MAD1L1: variants seen among roughly 807,000 people sequenced by gnomAD.
MAD1L1 encodes the protein mitotic spindle assembly checkpoint protein MAD1.
Under a neutral mutation model 96.9 loss-of-function variants are expected in MAD1L1, and 95 were observed. The ratio of observed to expected loss-of-function variants is 0.98; its 90% CI spans 0.83 to 1.16. The LOEUF (loss-of-function observed/expected upper bound fraction) is 1.16, where lower values mean the gene tolerates loss of function less well. MAD1L1 is among the 50% of genes most tolerant of loss of function. The probability of loss-of-function intolerance (pLI) is 0.00; values close to 1 mark genes in which losing one functional copy is unlikely to be tolerated. For synonymous variants in MAD1L1, 473 were observed against 396.6 expected, an observed-to-expected ratio of 1.19 and a Z score of -2.29; for missense variants, 1,007 against 954.4, an observed-to-expected ratio of 1.06 and a Z score of -0.73.
In MAD1L1 at chr7:2,222,627, G is replaced by A. The variant is rs773110008; in HGVS notation, c.419C>T (p.Ala140Val). ...TTTCTCACGCAGCCTCTTGCTGGCA[G>A]CATCCAAGTTCTGCTGACACTGCCT... The part of the protein sequence containing the change: ...RNRQCQQNLD[A>V]ASKRLREKED... Residue 140 changes from alanine to valine, a missense_variant, in exon 5 of 19, where the codon GCT (alanine) becomes GTT (valine). Physicochemically the swap from Ala to Val is moderately conservative, Grantham distance 64. Transcript: ENST00000265854. 6.2e-7 allele frequency: 1 copy of A among 1,613,032 alleles called. No homozygotes were observed. The highest frequency in any genetic ancestry group is 8.5e-7 in the Non-Finnish European group (1 of 1,179,710).
intron 11 of MAD1L1, among the ~76,000 whole-genome samples, chr7:2,126,057 G>A (rs1473501650): frequency 7.2e-5 from 11 of 152,200 alleles, no homozygotes; most frequent in Non-Finnish European, 1.2e-4. Flanking sequence ...CCGGGGCGCT[G>A]GAGCAGTGGA....
intron 14 of MAD1L1, among the ~76,000 whole-genome samples, chr7:1,984,729 T>C (rs1781066003): frequency 6.6e-6 from 1 of 152,270 alleles, no homozygotes; most frequent in South Asian, 2.1e-4. Context: ...TGTTTGGTTT[T>C]GCTTTGCAAT....
At chr7:2,212,246 C>G (rs1470478573) in intron 10 of MAD1L1, among the ~76,000 whole-genome samples, 1 of 152,176 alleles carries the variant, frequency 6.6e-6, no homozygotes, top group African/African-American at 2.4e-5. Context: ...AATACCATCC[C>G]CAGCACCCAG....
chr7:2,064,171 G>A (rs558794906), intron 12 of MAD1L1, among the ~76,000 whole-genome samples: 2 of 152,334 alleles, frequency 1.3e-5, no homozygotes, highest in African/African-American at 4.8e-5. Context: ...GCACACAGGA[G>A]CCCAGCCTCA....
chr7:2,023,387 A>G, intron 12 of MAD1L1, among the ~76,000 whole-genome samples: 1 of 152,252 alleles, frequency 6.6e-6, no homozygotes, highest in East Asian at 1.9e-4. Flanking sequence ...AAGATAACTG[A>G]AAAATCCCAA....
chr7:2,113,734 C>T (rs999207603), intron 11 of MAD1L1, among the ~76,000 whole-genome samples: 3 of 152,162 alleles, frequency 2.0e-5, no homozygotes, highest in African/African-American at 4.8e-5. Context: ...ATGGTGATGT[C>T]GCACACCCCG....
intron 17 of MAD1L1, among the ~76,000 whole-genome samples, chr7:1,907,116 G>A (rs1286721718): frequency 6.6e-6 from 1 of 152,046 alleles, no homozygotes; most frequent in Non-Finnish European, 1.5e-5. Context: ...GGGGCGGTGA[G>A]GGCACCCATG....
chr7:2,213,488 C>T (rs1008853120), intron 9 of MAD1L1, among the ~76,000 whole-genome samples: 2 of 152,218 alleles, frequency 1.3e-5, no homozygotes, highest in Non-Finnish European at 2.9e-5. Context: ...TGCCTCACTC[C>T]TTCCTGGCCC....
intron 10 of MAD1L1, among the ~76,000 whole-genome samples, chr7:2,169,113 G>A (rs971964240): frequency 6.6e-6 from 1 of 152,246 alleles, no homozygotes; most frequent in East Asian, 1.9e-4. Context: ...AACGATCCGT[G>A]ACAGGACAAG....
At chr7:2,129,747 G>C (rs1054757418) in intron 11 of MAD1L1, among the ~76,000 whole-genome samples, 1 of 152,228 alleles carries the variant, frequency 6.6e-6, no homozygotes, top group African/African-American at 2.4e-5. Flanking sequence ...ACGCATGTCA[G>C]AGACAGTCCA....
chr7:2,196,468 A>G (rs55653949), intron 10 of MAD1L1, among the ~76,000 whole-genome samples: 4,311 of 152,322 alleles, frequency 0.028, 105 homozygotes, highest in South Asian at 0.075. Flanking sequence ...GCATCTTCCA[A>G]AAGATTGCAT....
chr7:2,004,201 A>G (rs1236244821), intron 13 of MAD1L1, among the ~76,000 whole-genome samples: 1 of 152,172 alleles, frequency 6.6e-6, no homozygotes, highest in African/African-American at 2.4e-5. Flanking sequence ...GGGGGACGAC[A>G]ACAAGGCTCT....
At chr7:2,160,709 TG>T (rs1238541624) in intron 10 of MAD1L1, among the ~76,000 whole-genome samples, 1 of 151,906 alleles carries the variant, frequency 6.6e-6, no homozygotes, top group African/African-American at 2.4e-5. Context: ...CTCAGCTCAC[TG>T]GAATCTCCGC....
At chr7:2,115,127 A>G (rs139133924) in intron 11 of MAD1L1, among the ~76,000 whole-genome samples, 112 of 152,330 alleles carry the variant, frequency 7.4e-4, no homozygotes, top group African/African-American at 2.5e-3. Flanking sequence ...CCACTGGCAC[A>G]CTGCGGAAGC....
chr7:2,191,565 T>C (rs930601046), intron 10 of MAD1L1, among the ~76,000 whole-genome samples: 2 of 151,954 alleles, frequency 1.3e-5, no homozygotes, highest in Admixed American at 6.6e-5. Context: ...ACCCCGTCTC[T>C]ACTAAAAATA....
At chr7:2,050,033 G>A (rs569004686) in intron 12 of MAD1L1, among the ~76,000 whole-genome samples, 2 of 118,010 alleles carry the variant, frequency 1.7e-5, no homozygotes, top group East Asian at 2.5e-4. Context: ...ACACGTTCAC[G>A]GGGCACCTCA....
chr7:1,953,229 C>T (rs925223905), intron 16 of MAD1L1, among the ~76,000 whole-genome samples: 21 of 152,288 alleles, frequency 1.4e-4, no homozygotes, highest in African/African-American at 4.3e-4. Flanking sequence ...GAACGGTCTC[C>T]GTGTGCTTCC....
intron 16 of MAD1L1, among the ~76,000 whole-genome samples, chr7:1,941,029 C>T (rs914561664): frequency 1.2e-4 from 11 of 94,148 alleles, no homozygotes; most frequent in African/African-American, 2.5e-4. Flanking sequence ...GCTTCAACAC[C>T]GCGGACCTCC....
intron 16 of MAD1L1, chr7:1,940,627 ACC>A (rs1423662392): frequency 6.6e-6 from 1 of 152,206 alleles, no homozygotes; most frequent in African/African-American, 2.4e-5. Context: ...CTGTGCAGTC[ACC>A]CTGCCCCCGT....
Sources: allele counts gnomAD v4.1 joint callset (sites outside exome capture counted in the v4.1 genomes callset), GRCh38; gene constraint gnomAD v4.1.1; transcripts MANE v1.5; gene names NCBI Gene and HGNC (gene_info 2026-07-23, HGNC 2026-07-21).